STARD13: variants seen among roughly 807,000 people sequenced by gnomAD.
The protein encoded by STARD13 is stAR-related lipid transfer protein 13.
A neutral mutation model predicts 106.4 loss-of-function variants in STARD13; 62 were observed. The ratio of observed to expected loss-of-function variants is 0.58; its 90% CI spans 0.48 to 0.72. The LOEUF (loss-of-function observed/expected upper bound fraction) is 0.72, where lower values mean the gene tolerates loss of function less well. Ranked by LOEUF, STARD13 falls within the 30% of genes least tolerant of loss-of-function variation. The pLI, the probability that STARD13 is intolerant of heterozygous loss-of-function variation, is 0.00. For missense variants in STARD13, 1,387 were observed against 1,424.0 expected (o/e 0.97, Z 0.42); for synonymous variants, 565 against 553.0 (o/e 1.02, Z -0.31).
chr13:33,201,801 C>T (rs1427051271), intron 1 of STARD13, among the ~76,000 whole-genome samples: 1 of 152,114 alleles, frequency 6.6e-6, no homozygotes, highest in Admixed American at 6.5e-5. Flanking sequence ...AGTTGCTCAA[C>T]TTGATTGTTC....
chr13:33,119,396 C>T (rs1875910360), intron 7 of STARD13, among the ~76,000 whole-genome samples: 1 of 152,136 alleles, frequency 6.6e-6, no homozygotes. Context: ...CTAGTGTCAG[C>T]CACTGCTCAT....
the STARD13 span, among the ~76,000 whole-genome samples, chr13:33,356,816 A>G: frequency 6.6e-6 from 1 of 152,212 alleles, no homozygotes; most frequent in Non-Finnish European, 1.5e-5. Context: ...GCAAGAAGTC[A>G]CTCATGAGAA....
intron 1 of STARD13, among the ~76,000 whole-genome samples, chr13:33,241,961 C>A (rs949558669): frequency 1.9e-4 from 29 of 152,192 alleles, no homozygotes; most frequent in African/African-American, 7.0e-4. Context: ...CCGGCCGCCA[C>A]CCCGTCTGGG....
At chr13:33,305,399 C>T (rs767069963) in intron 1 of STARD13, among the ~76,000 whole-genome samples, 2 of 152,214 alleles carry the variant, frequency 1.3e-5, no homozygotes, top group African/African-American at 2.4e-5. Flanking sequence ...TTTACATCTC[C>T]GTGTCCTCCA....
chr13:33,395,371 C>T, the STARD13 span, among the ~76,000 whole-genome samples: 3 of 151,988 alleles, frequency 2.0e-5, no homozygotes, highest in Admixed American at 6.6e-5. Flanking sequence ...ACCTTTGTAC[C>T]AGCTTAAATC....
At chr13:33,188,262 G>A (rs1206279068) in intron 1 of STARD13, 1 of 152,194 alleles carries the variant, frequency 6.6e-6, no homozygotes, top group Non-Finnish European at 1.5e-5. Context: ...CTCAATGTGA[G>A]TAGGAAACAA....
Position 33,331,926 on chromosome 13 carries a change from T to C in STARD13, c.124+18364A>G, listed in dbSNP as rs150048272. Among the ~76,000 whole-genome samples, 289 of 152,318 alleles carry C rather than the reference T, an allele frequency of 1.9e-3. 3 individuals carry two copies. The highest frequency in any genetic ancestry group is 6.2e-3 in the African/African-American group (258 of 41,562). On this transcript the variant is annotated intron_variant, in intron 1 of 5. Transcript: ENST00000567873. ...ACGTAATTAGCAACTAAGTATTTTT[T>C]GTATAATTGAGACATTAACTAAATT... is the stretch of plus-strand genomic sequence containing the variant.
chr13:33,447,155 A>G, the STARD13 span, among the ~76,000 whole-genome samples: 1 of 152,242 alleles, frequency 6.6e-6, no homozygotes, highest in Admixed American at 6.5e-5. Context: ...ACAAGGATCC[A>G]AGGAATTTTG....
intron 1 of STARD13, among the ~76,000 whole-genome samples, chr13:33,206,762 G>A (rs544286429): frequency 7.9e-5 from 12 of 152,308 alleles, no homozygotes; most frequent in East Asian, 3.9e-4. Flanking sequence ...GTAGACTTTC[G>A]TATACTGCAT....
At chr13:33,579,890 A>G in the STARD13 span, among the ~76,000 whole-genome samples, 1 of 152,048 alleles carries the variant, frequency 6.6e-6, no homozygotes, top group Non-Finnish European at 1.5e-5. Context: ...ATCTATTAGA[A>G]TGACTAAAAT....
chr13:33,528,231 T>TATATATATACATATATATATAC, the STARD13 span, among the ~76,000 whole-genome samples: 1 of 130,698 alleles, frequency 7.7e-6, no homozygotes, highest in African/African-American at 3.6e-5. Flanking sequence ...TGTGTGTATA[T>TATATATATACATATATATATAC]ATATATATAT....
the STARD13 span, among the ~76,000 whole-genome samples, chr13:33,359,241 C>T: frequency 1.3e-5 from 2 of 152,162 alleles, no homozygotes; most frequent in African/African-American, 4.8e-5. Flanking sequence ...CTGCAAAGAT[C>T]TGCAGCTTCA....
the STARD13 span, among the ~76,000 whole-genome samples, chr13:33,632,540 A>G: frequency 1.3e-5 from 2 of 152,226 alleles, no homozygotes; most frequent in South Asian, 2.1e-4. Flanking sequence ...GCTCCAAAGT[A>G]TCCCTTAAGT....
rs1890863471 is a variant in STARD13 at position 33,265,709 on chromosome 13, C to T, written c.169+19761G>A. ...TATCCCTTTTCAATACATTTTTAGT[C>T]ATGCCAAAAGCAGGAAGAAAATGTA... On this transcript the variant is annotated intron_variant, in intron 1 of 13. Coordinates refer to ENST00000336934, the MANE Select transcript of STARD13 (RefSeq NM_178006.4). 2.0e-5 allele frequency among the ~76,000 whole-genome samples: 3 copies of T among 151,980 alleles called. No homozygotes were observed. The South Asian group carries it at 6.2e-4, about 32-fold the overall frequency.
At position 33,111,401 on chromosome 13, in the gene STARD13, T is replaced by C. The variant is rs1874543351; in HGVS notation, c.2607+377A>G. Among the ~76,000 whole-genome samples, 3 of 152,344 alleles carry C rather than the reference T, an allele frequency of 2.0e-5. No individual in the cohort carries two copies. The South Asian group carries it at 6.2e-4, about 32-fold the overall frequency. ...TTTTACATATCTGTGGCTGTATTCA[T>C]AAGCTGTCATTGGTTCTTAGCAACA... On this transcript the variant is annotated intron_variant, in intron 10 of 13. Coordinates refer to ENST00000336934, the MANE Select transcript of STARD13 (RefSeq NM_178006.4).
At chr13:33,405,665 T>G in the STARD13 span, among the ~76,000 whole-genome samples, 3 of 152,272 alleles carry the variant, frequency 2.0e-5, no homozygotes, top group African/African-American at 7.2e-5. Context: ...CATTCCATGG[T>G]TCTGTGTGCT....
At chr13:33,616,947 A>G in the STARD13 span, among the ~76,000 whole-genome samples, 2 of 152,164 alleles carry the variant, frequency 1.3e-5, no homozygotes, top group African/African-American at 4.8e-5. Context: ...AGGCAAGGGG[A>G]CTTGGGTAGG....
At chr13:33,342,533 G>GA (rs2077972189) in intron 1 of STARD13, among the ~76,000 whole-genome samples, 1 of 138,772 alleles carries the variant, frequency 7.2e-6, no homozygotes, top group Non-Finnish European at 1.6e-5. Context: ...TTTATAGTTT[G>GA]TTTTTTTTTT....
At chr13:33,118,734 G>A (rs978177174) in intron 7 of STARD13, among the ~76,000 whole-genome samples, 4 of 152,178 alleles carry the variant, frequency 2.6e-5, no homozygotes, top group African/African-American at 7.2e-5. Flanking sequence ...AATGTGGGTC[G>A]TGGATGAAAG....
Sources: allele counts gnomAD v4.1 joint callset (sites outside exome capture counted in the v4.1 genomes callset), GRCh38; gene constraint gnomAD v4.1.1; transcripts MANE v1.5; gene names NCBI Gene and HGNC (gene_info 2026-07-23, HGNC 2026-07-21).